RMND1: variants seen among roughly 807,000 people sequenced by gnomAD.
RMND1 encodes the protein required for meiotic nuclear division 1 homolog.
In RMND1, 41 loss-of-function variants were observed where a neutral mutation model predicts 54.0. The ratio of observed to expected loss-of-function variants is 0.76; its 90% CI spans 0.59 to 0.98. RMND1 has a LOEUF of 0.98. RMND1 is among the 50% of genes least tolerant of loss of function. The pLI, the probability that RMND1 is intolerant of heterozygous loss-of-function variation, is 0.00. For synonymous variants in RMND1, 183 were observed against 181.7 expected, an observed-to-expected ratio of 1.01 and a Z score of -0.06; for missense variants, 457 against 532.0, an observed-to-expected ratio of 0.86 and a Z score of 1.39.
chr6:151,438,526 G>A (rs548014735), intron 2 of RMND1, among the ~76,000 whole-genome samples: 55 of 152,234 alleles, frequency 3.6e-4, no homozygotes, highest in African/African-American at 1.2e-3. Flanking sequence ...CTGGCAGCTC[G>A]GAGAACCATC....
chr6:151,451,198 T>TAAAAAAAAAAA (rs58457871), intron 1 of RMND1, among the ~76,000 whole-genome samples: 1 of 113,392 alleles, frequency 8.8e-6, no homozygotes, highest in African/African-American at 3.1e-5. Flanking sequence ...GAATGATCAA[T>TAAAAAAAAAAA]AAAAAAAAAA....
At chr6:151,414,502 G>T (rs781483054) in intron 10 of RMND1, among the ~76,000 whole-genome samples, 1 of 152,148 alleles carries the variant, frequency 6.6e-6, no homozygotes, top group Non-Finnish European at 1.5e-5. Flanking sequence ...GGTATTATTA[G>T]ATGATGTTAG....
chr6:151,441,332 C>A (rs1213631395), intron 2 of RMND1, among the ~76,000 whole-genome samples: 2 of 152,150 alleles, frequency 1.3e-5, no homozygotes, highest in Non-Finnish European at 2.9e-5. Flanking sequence ...CTCCTAAAAA[C>A]CCCTGTAATT....
chr6:151,447,748 T>C (rs1199781637), intron 1 of RMND1, among the ~76,000 whole-genome samples: 1 of 139,470 alleles, frequency 7.2e-6, no homozygotes, highest in Non-Finnish European at 1.5e-5. Flanking sequence ...TTGAAGAAAC[T>C]ATAAAATATT....
chr6:151,404,967 C>CA lies in RMND1; in HGVS notation c.*267dup. ...CACTGCAACCTCCGCCTCCCAAGTT[C>CA]AAGAGATTCTCCTGCCTCAGCCTCC... On this transcript the variant is annotated 3_prime_UTR_variant, in exon 12 of 12. Transcript: ENST00000444024. 1 of 356,822 alleles carries CA rather than the reference C, an allele frequency of 2.8e-6. No individual in the cohort carries two copies. The highest frequency in any genetic ancestry group is 5.1e-6 in the Non-Finnish European group (1 of 196,642). 22.1% of individuals were successfully genotyped at this position (356,822 alleles called of 1,614,324 possible).
At chr6:151,417,998 G>C (rs1349281087) in intron 9 of RMND1, among the ~76,000 whole-genome samples, 1 of 151,884 alleles carries the variant, frequency 6.6e-6, no homozygotes, top group African/African-American at 2.4e-5. Flanking sequence ...TTAGTAAAGG[G>C]TTTTACCAAG....
intron 1 of RMND1, among the ~76,000 whole-genome samples, chr6:151,450,771 G>T (rs78292128): frequency 0.19 from 28,580 of 151,282 alleles, 3,499 homozygotes; most frequent in East Asian, 0.39. Flanking sequence ...GGGGGAAAGG[G>T]GGGGAAAAGA....
intron 2 of RMND1, among the ~76,000 whole-genome samples, chr6:151,440,040 T>C (rs1237188107): frequency 6.6e-6 from 1 of 152,114 alleles, no homozygotes; most frequent in Non-Finnish European, 1.5e-5. Flanking sequence ...CACTGCAACC[T>C]CTACCCCCTG....
intron 1 of RMND1, among the ~76,000 whole-genome samples, chr6:151,449,847 C>T (rs562849387): frequency 6.6e-6 from 1 of 152,342 alleles, no homozygotes; most frequent in South Asian, 2.1e-4. Flanking sequence ...GACGGGGTTT[C>T]GCTGTGTTGG....
intron 9 of RMND1, among the ~76,000 whole-genome samples, chr6:151,418,730 ACTCT>A (rs563311945): frequency 1.3e-5 from 2 of 151,808 alleles, no homozygotes; most frequent in Admixed American, 6.6e-5. Context: ...AAACATACAC[ACTCT>A]CTCTCTTAAT....
Position 151,436,497 on chromosome 6 carries a change from A to T in RMND1, c.562T>A (p.Ser188Thr), listed in dbSNP as rs1780618690. 1.2e-6 allele frequency: 2 copies of T among 1,613,954 alleles called. No individual in the cohort carries two copies. Among genetic ancestry groups the T allele is most frequent in the Admixed American group, 1.7e-5 (1 of 59,998 alleles). ...TADEYHLGNL[S>T]QDLASHGYVE... ...TATCCGTGGGAGGCCAGATCTTGAG[A>T]CAGATTTCCCAGATGATACTCATCT... Residue 188 changes from serine to threonine, a missense_variant, in exon 3 of 12, where the codon TCT becomes ACT. Ser to Thr is a moderately conservative substitution (Grantham distance 58, BLOSUM62 1). Coordinates refer to ENST00000444024, the MANE Select transcript of RMND1 (RefSeq NM_017909.4).
chr6:151,420,677 C>T (rs1337895438), intron 9 of RMND1: 1 of 152,100 alleles, frequency 6.6e-6, no homozygotes, highest in East Asian at 1.9e-4. Context: ...TTGTCTTTGC[C>T]TTAAATAATT....
chr6:151,416,219 T>C (rs894281659), intron 10 of RMND1, among the ~76,000 whole-genome samples: 2 of 152,068 alleles, frequency 1.3e-5, no homozygotes, highest in African/African-American at 2.4e-5. Context: ...CCTCAAGTGA[T>C]CTGCCCACCT....
In RMND1 at chr6:151,405,202, A is replaced by G. The variant is rs756572080; in HGVS notation, c.*33T>C. 1.6e-5 allele frequency: 26 copies of G among 1,594,196 alleles called. No individual in the cohort carries two copies. Among genetic ancestry groups the G allele is most frequent in the Non-Finnish European group, 2.2e-5 (26 of 1,162,498 alleles). Reference sequence around the variant, plus strand: ...TAATTTTTGATTGTAGAACTTGAATATCTCTTGCAGTGACACTTTGGTTAT... The same window carrying G: ...TAATTTTTGATTGTAGAACTTGAATGTCTCTTGCAGTGACACTTTGGTTAT... On this transcript the variant is annotated 3_prime_UTR_variant, in exon 12 of 12. Transcript: ENST00000444024.
chr6:151,424,297 C>G (rs538959040), intron 6 of RMND1, among the ~76,000 whole-genome samples: 1 of 151,902 alleles, frequency 6.6e-6, no homozygotes, highest in East Asian at 2.0e-4. Flanking sequence ...CGTCTCTACT[C>G]AAAACACAAA....
intron 4 of RMND1, 63 bp from the exon 5 acceptor site, chr6:151,430,240 T>C: frequency 8.6e-7 from 1 of 1,165,924 alleles, no homozygotes; most frequent in East Asian, 2.3e-5. Flanking sequence ...TAGGGTCGTA[T>C]ATAAAACCAT....
intron 6 of RMND1, among the ~76,000 whole-genome samples, chr6:151,426,220 T>C (rs1199462538): frequency 6.6e-6 from 1 of 152,188 alleles, no homozygotes; most frequent in African/African-American, 2.4e-5. Context: ...GTGCTGAGAT[T>C]ACAGGTGTGA....
intron 6 of RMND1, 111 bp downstream of exon 6, chr6:151,427,371 G>A (rs990499285): frequency 5.2e-6 from 3 of 575,156 alleles, no homozygotes; most frequent in East Asian, 3.4e-5. Context: ...GTGAGACTCC[G>A]TCTCAAAAAA....
At chr6:151,421,456 G>C (rs1403550283) in intron 8 of RMND1, 135 bp from the exon 9 acceptor site, 4 of 591,184 alleles carry the variant, frequency 6.8e-6, no homozygotes, top group South Asian at 2.3e-5. Flanking sequence ...CTGTCTCCCA[G>C]ATTAATGTCT....
Sources: allele counts gnomAD v4.1 joint callset (sites outside exome capture counted in the v4.1 genomes callset), GRCh38; gene constraint gnomAD v4.1.1; transcripts MANE v1.5; gene names NCBI Gene and HGNC (gene_info 2026-07-23, HGNC 2026-07-21).